Variants in ZDHHC18 observed in about 807,000 individuals in gnomAD.
ZDHHC18 encodes the protein zDHHC palmitoyltransferase 18.
In ZDHHC18, 23 loss-of-function variants were observed where a neutral mutation model predicts 37.5. That is an observed-to-expected ratio of 0.61 (90% CI 0.44 to 0.87). ZDHHC18 has a LOEUF of 0.87. Among genes scored for constraint, ZDHHC18 ranks in the 40% least tolerant of loss-of-function variants. The pLI, the probability that ZDHHC18 is intolerant of heterozygous loss-of-function variation, is 0.00. For missense variants in ZDHHC18, 406 were observed against 525.6 expected, an observed-to-expected ratio of 0.77 and a Z score of 2.22; for synonymous variants, 185 against 218.7, an observed-to-expected ratio of 0.85 and a Z score of 1.36.
intron 6 of ZDHHC18, among the ~76,000 whole-genome samples, chr1:26,851,965 C>T (rs988241759): frequency 2.6e-5 from 4 of 152,222 alleles, no homozygotes; most frequent in Non-Finnish European, 5.9e-5. Context: ...ATGAGAGCAT[C>T]TGTTTCAGGG....
chr1:26,851,307 A>T, intron 6 of ZDHHC18, 76 bp downstream of exon 6: 1 of 1,371,852 alleles, frequency 7.3e-7, no homozygotes, highest in East Asian at 2.3e-5. Context: ...AGCCTGGGGC[A>T]GCCAAGCACA....
At chr1:26,827,187 C>T (rs756642326) in intron 1 of ZDHHC18, 48 bp downstream of exon 1, 2 of 1,291,014 alleles carry the variant, frequency 1.5e-6, no homozygotes, top group East Asian at 3.1e-5. Context: ...TGCCGCGCAC[C>T]CCACCTTCCC....
intron 2 of ZDHHC18, among the ~76,000 whole-genome samples, chr1:26,844,285 C>T (rs369026605): frequency 5.3e-4 from 81 of 152,252 alleles, no homozygotes; most frequent in African/African-American, 1.8e-3. Flanking sequence ...GTGATCTGCC[C>T]GCCTTGGCCT....
At chr1:26,840,652 G>T (rs954791148) in intron 2 of ZDHHC18, among the ~76,000 whole-genome samples, 1 of 152,090 alleles carries the variant, frequency 6.6e-6, no homozygotes, top group Admixed American at 6.5e-5. Flanking sequence ...GTGTTGGCCA[G>T]GCTGGTCTTG....
At position 26,853,719 on chromosome 1, in the gene ZDHHC18, T is replaced by C. The variant is rs775000942; in HGVS notation, c.1050-7T>C. 1.9e-6 allele frequency: 3 copies of C among 1,613,854 alleles called. No individual in the cohort carries two copies. Among genetic ancestry groups the C allele is most frequent in the Non-Finnish European group, 2.5e-6 (3 of 1,179,882 alleles). ...AGCCCTCATGTGTCTCCCTTGTGTT[T>C]TGGAAGCCTAATTGACCGGAGGGGA... On this transcript the variant is annotated splice_region_variant and splice_polypyrimidine_tract_variant and intron_variant, in intron 7 of 7. Transcript: ENST00000374142.
chr1:26,855,056 G>A lies in ZDHHC18; in HGVS notation c.*1213G>A, dbSNP rs2081726767. The A allele has an allele frequency of 6.6e-6, 1 of 152,332 alleles. No homozygotes were observed. Among genetic ancestry groups the A allele is most frequent in the Non-Finnish European group, 1.5e-5 (1 of 68,120 alleles). The allele number at this position is 152,332 out of a possible 1,614,324, so 9.4% of individuals were successfully genotyped here. A position where few individuals can be genotyped will look rare whatever the true frequency, so the allele number is the denominator to read the frequency against. ...TTCCTTCTTCTATGGACTTCAGACAGCCAGTGTCTGGGGACTCTGCCACTC... is the reference window on the plus strand; with the variant it reads ...TTCCTTCTTCTATGGACTTCAGACAACCAGTGTCTGGGGACTCTGCCACTC... On this transcript the variant is annotated 3_prime_UTR_variant, in exon 8 of 8. Coordinates refer to ENST00000374142, the MANE Select transcript of ZDHHC18 (RefSeq NM_032283.3).
chr1:26,826,731 T>A lies in ZDHHC18; in HGVS notation c.-74T>A. 2.6e-6 allele frequency: 2 copies of A among 765,888 alleles called. No homozygotes were observed. Among genetic ancestry groups the A allele is most frequent in the Non-Finnish European group, 3.2e-6 (2 of 632,222 alleles). 47.4% of individuals were successfully genotyped at this position (765,888 alleles called of 1,614,324 possible). A position where few individuals can be genotyped will look rare whatever the true frequency, so the allele number is the denominator to read the frequency against. On this transcript the variant is annotated 5_prime_UTR_variant, in exon 1 of 8. Transcript: ENST00000374142. This position sits in a 1 kb window ranked among gnomAD's most constrained non-coding sequence, Gnocchi z 5.2. ...CGCCGCGCGCGCCGCCGCTGCCACCTCCGCTGCTCGGCCCGGTCCCGGAGT... is the reference window on the plus strand; with the variant it reads ...CGCCGCGCGCGCCGCCGCTGCCACCACCGCTGCTCGGCCCGGTCCCGGAGT...
intron 2 of ZDHHC18, among the ~76,000 whole-genome samples, chr1:26,846,153 T>G (rs573311530): frequency 6.7e-6 from 1 of 148,694 alleles, no homozygotes; most frequent in East Asian, 2.0e-4. Context: ...TGTATATATA[T>G]ACATGTATAT....
chr1:26,841,388 C>T (rs2081638430), intron 2 of ZDHHC18, among the ~76,000 whole-genome samples: 1 of 152,202 alleles, frequency 6.6e-6, no homozygotes, highest in Non-Finnish European at 1.5e-5. Flanking sequence ...CCTGCTTCAG[C>T]CTCCCAACGT....
intron 1 of ZDHHC18, among the ~76,000 whole-genome samples, chr1:26,829,606 T>C (rs966670976): frequency 1.3e-5 from 2 of 152,222 alleles, no homozygotes; most frequent in Non-Finnish European, 2.9e-5. Flanking sequence ...TGACATATTA[T>C]GGTATACTTG....
chr1:26,847,012 C>T (rs1477544208), intron 2 of ZDHHC18, among the ~76,000 whole-genome samples: 1 of 152,058 alleles, frequency 6.6e-6, no homozygotes, highest in Non-Finnish European at 1.5e-5. Flanking sequence ...TCTCCTGCCT[C>T]AGCCTCCCGA....
chr1:26,849,752 C>G (rs373978493), intron 3 of ZDHHC18, among the ~76,000 whole-genome samples: 50 of 152,334 alleles, frequency 3.3e-4, no homozygotes, highest in African/African-American at 1.2e-3. Context: ...GGCCGCTAGT[C>G]CTAGAGCAGG....
chr1:26,854,015 C>T lies in ZDHHC18; in HGVS notation c.*172C>T, dbSNP rs2081720944. ...AACTGTTCCGTGGCTGTGCCCTCTG[C>T]TCCCCAAACCCAGGTTCCCACAGCC... On this transcript the variant is annotated 3_prime_UTR_variant, in exon 8 of 8. Coordinates refer to ENST00000374142, the MANE Select transcript of ZDHHC18 (RefSeq NM_032283.3). The surrounding 1 kb of genome is among the most constrained non-coding windows in gnomAD (Gnocchi z 4.6). The T allele has an allele frequency of 3.1e-6, 2 of 642,430 alleles. No individual in the cohort carries two copies. The highest frequency in any genetic ancestry group is 2.8e-5 in the East Asian group (1 of 36,064). The allele number at this position is 642,430 out of a possible 1,614,324, so 39.8% of individuals were successfully genotyped here. A position where few individuals can be genotyped will look rare whatever the true frequency, so the allele number is the denominator to read the frequency against.
rs1297780197 is a variant in ZDHHC18, at chr1:26,852,758, A to T, written c.942A>T (p.Lys314Asn). ...ASNLTTNEDI[K>N]GSWSSKRGGE... ...GGCCTCCTTCCTGCTTGCAGATCAAAGGCTCGTGGTCCAGCAAGAGGGGCG... is the reference window on the plus strand; with the variant it reads ...GGCCTCCTTCCTGCTTGCAGATCAATGGCTCGTGGTCCAGCAAGAGGGGCG... Residue 314 changes from lysine to asparagine, a missense_variant, in exon 7 of 8, where the codon AAA becomes AAT. Transcript: ENST00000374142. 4 of 1,613,840 alleles carry T rather than the reference A, an allele frequency of 2.5e-6. No individual in the cohort carries two copies. Among genetic ancestry groups the T allele is most frequent in the Non-Finnish European group, 3.4e-6 (4 of 1,179,876 alleles).
chr1:26,850,799 T>G lies in ZDHHC18; in HGVS notation c.833+193T>G, dbSNP rs944199665. On this transcript the variant is annotated intron_variant, in intron 5 of 7. Coordinates refer to ENST00000374142, the MANE Select transcript of ZDHHC18 (RefSeq NM_032283.3). This position sits in a 1 kb window ranked among gnomAD's most constrained non-coding sequence, Gnocchi z 6.1. ...AAATGGGGCATTGTGGGGCCGGGGG[T>G]TCCTCGTCTTCAGGGGCCTGGAAAA... Among the ~76,000 whole-genome samples the G allele has an allele frequency of 5.3e-5, 8 of 151,958 alleles. No individual in the cohort carries two copies. The highest frequency in any genetic ancestry group is 1.9e-4 in the African/African-American group (8 of 41,358).
chr1:26,853,976 C>A lies in ZDHHC18; in HGVS notation c.*133C>A, dbSNP rs1046181265. The stretch of plus-strand genomic sequence containing the variant: ...CTTTTCATATTTATTTCCCATCCTG[C>A]GTGGCTTTCCCTGAACTGTTCCGTG... On this transcript the variant is annotated 3_prime_UTR_variant, in exon 8 of 8. Coordinates refer to ENST00000374142, the MANE Select transcript of ZDHHC18 (RefSeq NM_032283.3). The A allele has an allele frequency of 4.7e-6, 4 of 847,340 alleles. No homozygotes were observed. Among genetic ancestry groups the A allele is most frequent in the Non-Finnish European group, 5.6e-6 (3 of 531,962 alleles). The allele number at this position is 847,340 out of a possible 1,614,324, so 52.5% of individuals were successfully genotyped here.
At chr1:26,842,532 A>G (rs1212685117) in intron 2 of ZDHHC18, among the ~76,000 whole-genome samples, 1 of 152,250 alleles carries the variant, frequency 6.6e-6, no homozygotes, top group African/African-American at 2.4e-5. Context: ...CCTGTTTTAC[A>G]CATGAGAAAA....
chr1:26,830,650 C>T (rs965066694), intron 1 of ZDHHC18, among the ~76,000 whole-genome samples: 1 of 152,178 alleles, frequency 6.6e-6, no homozygotes, highest in Non-Finnish European at 1.5e-5. Context: ...TGTCCCCTGG[C>T]AGCAGTTATT....
intron 2 of ZDHHC18, among the ~76,000 whole-genome samples, chr1:26,842,402 A>G (rs757210575): frequency 6.6e-6 from 1 of 152,246 alleles, no homozygotes; most frequent in Non-Finnish European, 1.5e-5. Context: ...TATTTCAGTG[A>G]TTAGAGAAAC....
Sources: allele counts gnomAD v4.1 joint callset (sites outside exome capture counted in the v4.1 genomes callset), GRCh38; gene constraint gnomAD v4.1.1; non-coding constraint Gnocchi (gnomAD v3.1); transcripts MANE v1.5; gene names NCBI Gene and HGNC (gene_info 2026-07-23, HGNC 2026-07-21).